Variants in MAP4K3 observed in about 807,000 individuals in gnomAD.
The protein encoded by MAP4K3 is mitogen-activated protein kinase kinase kinase kinase 3.
A neutral mutation model predicts 143.5 loss-of-function variants in MAP4K3; 94 were observed. That is an observed-to-expected ratio of 0.65 (90% CI 0.55 to 0.78). MAP4K3 has a LOEUF of 0.78. MAP4K3 is among the 30% of genes least tolerant of loss of function. MAP4K3 has a pLI of 0.00. For synonymous variants in MAP4K3, 416 were observed against 347.2 expected, an observed-to-expected ratio of 1.20 and a Z score of -2.20; for missense variants, 1,077 against 1,068.1, an observed-to-expected ratio of 1.01 and a Z score of -0.12.
At position 39,404,280 on chromosome 2, in the gene MAP4K3, G is replaced by A. The variant is rs1438439778; in HGVS notation, c.97-26157C>T. 2.6e-5 allele frequency among the ~76,000 whole-genome samples: 4 copies of A among 152,122 alleles called. No homozygotes were observed. In the East Asian group the frequency reaches 7.7e-4, roughly 29 times the overall value. ...GTAGAGCACCAAGTGGACTCTTGGAGTCCCTGATTCTAGGCCTTGGCTCTT... is the reference window on the plus strand; with the variant it reads ...GTAGAGCACCAAGTGGACTCTTGGAATCCCTGATTCTAGGCCTTGGCTCTT... On this transcript the variant is annotated intron_variant, in intron 1 of 33. Transcript: ENST00000263881.
chr2:39,355,682 C>T (rs1665592107), intron 3 of MAP4K3, among the ~76,000 whole-genome samples: 1 of 152,138 alleles, frequency 6.6e-6, no homozygotes, highest in Admixed American at 6.5e-5. Context: ...AGGTGATCGC[C>T]TATGCAATAT....
At chr2:39,331,479 T>A (rs114722231) in intron 8 of MAP4K3, among the ~76,000 whole-genome samples, 39 of 152,132 alleles carry the variant, frequency 2.6e-4, no homozygotes, top group African/African-American at 8.2e-4. Context: ...TGTCAAGAAA[T>A]CTGCATTTGA....
intron 2 of MAP4K3, among the ~76,000 whole-genome samples, chr2:39,367,881 G>T (rs1573205960): frequency 6.6e-6 from 1 of 152,090 alleles, no homozygotes. Flanking sequence ...AAAGAATTAA[G>T]ATTTTTTTCA....
intron 1 of MAP4K3, among the ~76,000 whole-genome samples, chr2:39,430,611 C>T (rs1397113809): frequency 2.6e-5 from 4 of 151,854 alleles, no homozygotes; most frequent in Non-Finnish European, 5.9e-5. Flanking sequence ...TTCCTAAAAG[C>T]CCAATTTAAT....
chr2:39,399,274 G>A (rs1172584247), intron 1 of MAP4K3, among the ~76,000 whole-genome samples: 2 of 152,178 alleles, frequency 1.3e-5, no homozygotes, highest in Non-Finnish European at 2.9e-5. Context: ...AGTACCACTT[G>A]TGACAGGCAG....
In MAP4K3 at chr2:39,369,193, G is replaced by GTTTTTTTTTTTT. The variant is rs1553419595; in HGVS notation, c.154+8872_154+8873insAAAAAAAAAAAA. ...GGGTAAAATCTAAACCTTTGGGCTA[G>GTTTTTTTTTTTT]TTTTTTTTTTTGTTTTTTTTGAGAT... On this transcript the variant is annotated intron_variant, in intron 2 of 33. Transcript: ENST00000263881. 1.4e-3 allele frequency among the ~76,000 whole-genome samples: 54 copies of GTTTTTTTTTTTT among 37,956 alleles called. 1 individual carries two copies. Among genetic ancestry groups the GTTTTTTTTTTTT allele is most frequent in the African/African-American group, 3.0e-3 (51 of 17,234 alleles). 24.9% of individuals were successfully genotyped at this position (37,956 alleles called of 152,430 possible).
chr2:39,354,456 A>C, intron 3 of MAP4K3, among the ~76,000 whole-genome samples: 1 of 151,980 alleles, frequency 6.6e-6, no homozygotes, highest in Middle Eastern at 3.4e-3. Flanking sequence ...AAATAAATAA[A>C]TAAATAAATA....
chr2:39,319,381 A>G (rs1041815977), intron 12 of MAP4K3, among the ~76,000 whole-genome samples: 5 of 152,138 alleles, frequency 3.3e-5, no homozygotes, highest in African/African-American at 1.2e-4. Context: ...TTTGAACTGC[A>G]GAAGTCCACT....
chr2:39,409,456 C>T lies in MAP4K3; in HGVS notation c.96+27436G>A, dbSNP rs149705963. Among the ~76,000 whole-genome samples, 39 of 152,250 alleles carry T rather than the reference C, an allele frequency of 2.6e-4. No individual in the cohort carries two copies. In the East Asian group the frequency reaches 7.5e-3, roughly 29 times the overall value. On this transcript the variant is annotated intron_variant, in intron 1 of 33. Transcript: ENST00000263881. ...AAATGATCCACTTGGAAGCTGGCTG[C>T]AGTGGCACCAGCTTATAGTCCCAGC...
intron 26 of MAP4K3, among the ~76,000 whole-genome samples, chr2:39,268,425 A>G (rs1680862845): frequency 6.6e-6 from 1 of 151,344 alleles, no homozygotes; most frequent in Non-Finnish European, 1.5e-5. Flanking sequence ...GGTTCAAGCA[A>G]TCCTCCTGTC....
chr2:39,317,244 A>G (rs748826723), intron 12 of MAP4K3, among the ~76,000 whole-genome samples: 1 of 152,030 alleles, frequency 6.6e-6, no homozygotes, highest in Non-Finnish European at 1.5e-5. Context: ...TTCCTTACAC[A>G]ATATACAAAA....
intron 16 of MAP4K3, among the ~76,000 whole-genome samples, chr2:39,295,956 T>C (rs1682266282): frequency 1.3e-5 from 2 of 152,132 alleles, no homozygotes; most frequent in South Asian, 4.1e-4. Flanking sequence ...CGGCCTCAAG[T>C]GATCCACCCG....
At chr2:39,319,533 T>A (rs557488361) in intron 12 of MAP4K3, among the ~76,000 whole-genome samples, 3 of 152,244 alleles carry the variant, frequency 2.0e-5, no homozygotes, top group African/African-American at 7.2e-5. Context: ...CAATCCCCCT[T>A]GTGTACGTCA....
intron 24 of MAP4K3, among the ~76,000 whole-genome samples, chr2:39,272,885 A>G (rs1441693375): frequency 6.6e-6 from 1 of 152,132 alleles, no homozygotes; most frequent in African/African-American, 2.4e-5. Context: ...GTTGAATAAG[A>G]TTCTCCTCTC....
intron 2 of MAP4K3, among the ~76,000 whole-genome samples, chr2:39,377,480 G>A (rs1164256856): frequency 1.3e-5 from 2 of 152,072 alleles, no homozygotes; most frequent in Non-Finnish European, 2.9e-5. Flanking sequence ...TGTGGGTTTT[G>A]AGGGAAGTAG....
chr2:39,310,812 T>C (rs1281263633), intron 13 of MAP4K3, among the ~76,000 whole-genome samples: 1 of 152,196 alleles, frequency 6.6e-6, no homozygotes, highest in Non-Finnish European at 1.5e-5. Flanking sequence ...CATTGGGGTT[T>C]TTCTTTTTTG....
intron 1 of MAP4K3, among the ~76,000 whole-genome samples, chr2:39,404,401 A>T (rs1199295276): frequency 1.3e-5 from 2 of 152,110 alleles, no homozygotes; most frequent in African/African-American, 4.8e-5. Context: ...AGCTGACTGA[A>T]GAACCCTCAG....
intron 24 of MAP4K3, 112 bp downstream of exon 24, chr2:39,278,294 CA>C (rs1681362268): frequency 8.3e-6 from 5 of 605,734 alleles, no homozygotes; most frequent in Non-Finnish European, 5.5e-6. Context: ...CAAAACAAAA[CA>C]AAAAAGAATA....
intron 1 of MAP4K3, among the ~76,000 whole-genome samples, chr2:39,425,888 C>T (rs938536027): frequency 2.0e-5 from 3 of 152,082 alleles, no homozygotes; most frequent in Non-Finnish European, 4.4e-5. Context: ...AAGAAATTAA[C>T]GGAGTTAGAA....
Sources: allele counts gnomAD v4.1 joint callset (sites outside exome capture counted in the v4.1 genomes callset), GRCh38; gene constraint gnomAD v4.1.1; transcripts MANE v1.5; gene names NCBI Gene and HGNC (gene_info 2026-07-23, HGNC 2026-07-21).